Variants in MEAK7 observed in about 807,000 individuals in gnomAD.
The protein encoded by MEAK7 is MTOR associated protein MEAK7, also known as MTOR-associated protein MEAK7.
A neutral mutation model predicts 40.5 loss-of-function variants in MEAK7; 68 were observed. That is an observed-to-expected ratio of 1.68 (90% CI 1.38 to 2.06). The LOEUF (loss-of-function observed/expected upper bound fraction) is 2.06. Among genes scored for constraint, MEAK7 ranks in the 30% most tolerant of loss-of-function variants. MEAK7 has a pLI of 0.00. For missense variants in MEAK7, 918 were observed against 580.5 expected, an observed-to-expected ratio of 1.58 and a Z score of -5.98; for synonymous variants, 338 against 231.9, an observed-to-expected ratio of 1.46 and a Z score of -4.16.
intron 3 of MEAK7, among the ~76,000 whole-genome samples, chr16:84,491,058 G>T (rs72808603): frequency 6.6e-6 from 1 of 152,196 alleles, no homozygotes; most frequent in African/African-American, 2.4e-5. Context: ...CCAAAAGTTG[G>T]TTCATTGAAA....
intron 5 of MEAK7, 84 bp from the exon 6 acceptor site, chr16:84,482,794 C>T: frequency 6.4e-7 from 1 of 1,561,650 alleles, no homozygotes; most frequent in African/African-American, 1.4e-5. Context: ...AGCTGCAGCT[C>T]AGGAAGCAAC....
chr16:84,492,068 G>A (rs10871286), intron 3 of MEAK7, among the ~76,000 whole-genome samples: 1 of 151,862 alleles, frequency 6.6e-6, no homozygotes, highest in East Asian at 1.9e-4. Flanking sequence ...CTGTGTTCAC[G>A]AGACACAGGG....
chr16:84,496,008 G>A, intron 2 of MEAK7, 95 bp from the exon 3 acceptor site: 2 of 1,359,326 alleles, frequency 1.5e-6, no homozygotes, highest in Non-Finnish European at 2.0e-6. Context: ...GAGGAAAAGG[G>A]GTCCTTGGGA....
chr16:84,487,309 A>G, intron 4 of MEAK7: 1 of 465,622 alleles, frequency 2.1e-6, no homozygotes, highest in South Asian at 3.2e-5. Flanking sequence ...TGTATTTAGG[A>G]CATATTATTA....
chr16:84,485,136 G>A (rs556297073), intron 5 of MEAK7, among the ~76,000 whole-genome samples: 57 of 152,190 alleles, frequency 3.7e-4, no homozygotes, highest in Non-Finnish European at 7.8e-4. Context: ...CTGTGACATG[G>A]AGGCAGGGCA....
chr16:84,493,115 A>C (rs1185745465), intron 3 of MEAK7, among the ~76,000 whole-genome samples: 1 of 152,190 alleles, frequency 6.6e-6, no homozygotes, highest in African/African-American at 2.4e-5. Context: ...ATGTGTTCCA[A>C]AATTCTATGA....
intron 1 of MEAK7, 81 bp downstream of exon 1, chr16:84,504,520 A>T (rs746565104): frequency 3.4e-5 from 30 of 881,402 alleles, no homozygotes; most frequent in Non-Finnish European, 3.9e-5. Flanking sequence ...CCTACTCTGG[A>T]CCCGTCTGCT....
At chr16:84,491,478 G>A (rs1254105044) in intron 3 of MEAK7, among the ~76,000 whole-genome samples, 3 of 149,938 alleles carry the variant, frequency 2.0e-5, no homozygotes, top group African/African-American at 7.4e-5. Flanking sequence ...GGCAGAGGTT[G>A]TAGTGAGCTG....
intron 1 of MEAK7, chr16:84,503,889 G>A: frequency 2.1e-6 from 2 of 973,458 alleles, no homozygotes; most frequent in Non-Finnish European, 2.4e-6. Flanking sequence ...TCCCACCCTG[G>A]CTGCCAAGCT....
rs1912279207 is a variant in MEAK7, at chr16:84,479,128, C to T, written c.*785G>A. The stretch of plus-strand genomic sequence containing the variant: ...ACAAATACCTTCTGAGGACTCATGC[C>T]ACCACCAGACCATGTTACCTCAAAG... On this transcript the variant is annotated 3_prime_UTR_variant, in exon 8 of 8. Coordinates refer to ENST00000343629, the MANE Select transcript of MEAK7 (RefSeq NM_020947.4). 2.0e-5 allele frequency: 3 copies of T among 152,216 alleles called. No homozygotes were observed. The highest frequency in any genetic ancestry group is 2.0e-4 in the Admixed American group (3 of 15,280). The allele number at this position is 152,216 out of a possible 1,614,324, so 9.4% of individuals were successfully genotyped here.
intron 3 of MEAK7, among the ~76,000 whole-genome samples, chr16:84,494,354 C>T (rs1913869559): frequency 6.6e-6 from 1 of 152,164 alleles, no homozygotes; most frequent in Non-Finnish European, 1.5e-5. Flanking sequence ...TTATTTTCTA[C>T]AATTTGGACT....
chr16:84,497,785 A>G, intron 2 of MEAK7, 149 bp downstream of exon 2: 1 of 1,317,268 alleles, frequency 7.6e-7, no homozygotes, highest in South Asian at 1.3e-5. Context: ...AGCCAAAACT[A>G]GGTCACATCT....
At position 84,476,505 on chromosome 16, in the gene MEAK7, A is replaced by G. The variant is rs952269664; in HGVS notation, c.*3408T>C. The G allele has an allele frequency of 6.6e-6, 1 of 152,230 alleles. No individual in the cohort carries two copies. The highest frequency in any genetic ancestry group is 2.4e-5 in the African/African-American group (1 of 41,542). The allele number at this position is 152,230 out of a possible 1,614,324, so 9.4% of individuals were successfully genotyped here. On this transcript the variant is annotated 3_prime_UTR_variant, in exon 8 of 8. Transcript: ENST00000343629. The stretch of plus-strand genomic sequence containing the variant: ...TATACCTCTCAATCCAACAATTCCA[A>G]TTCTAAGAGTTTATCCCACAGACAC...
At chr16:84,497,805 C>A (rs1367977428) in intron 2 of MEAK7, 129 bp downstream of exon 2, 1 of 1,446,344 alleles carries the variant, frequency 6.9e-7, no homozygotes, top group East Asian at 2.3e-5. Context: ...TGGCCCTTTA[C>A]AGAAAACCAA....
At position 84,495,789 on chromosome 16, in the gene MEAK7, G is replaced by A; in HGVS notation, c.278C>T (p.Ala93Val). The change falls in exon 3 of 8, where the codon GCA becomes GTA. Residue 93 changes from alanine to valine, a missense_variant. By Grantham distance (64) the Ala-to-Val change is moderately conservative. Transcript: ENST00000343629. ...SENVSQEQFT[A>V]SMSHLLKGNS... ...TCCTTTCAACAGGTGGGACATGGAT[G>A]CTGTGAACTGCTCCTGGGACACGTT... 1 of 1,614,092 alleles carries A rather than the reference G, an allele frequency of 6.2e-7. No homozygotes were observed. Among genetic ancestry groups the A allele is most frequent in the South Asian group, 1.1e-5 (1 of 91,070 alleles).
At position 84,489,442 on chromosome 16, in the gene MEAK7, C is replaced by G. The variant is rs755637894; in HGVS notation, c.385-20G>C. On this transcript the variant is annotated intron_variant, in intron 3 of 7. Coordinates refer to ENST00000343629, the MANE Select transcript of MEAK7 (RefSeq NM_020947.4). ...TGTAAACTGTAAGATCACAATTTTA[C>G]CATTAAAAACAGTTCCACCATATCC... is the stretch of plus-strand genomic sequence containing the variant. The G allele has an allele frequency of 4.4e-6, 7 of 1,590,620 alleles. No homozygotes were observed. Among genetic ancestry groups the G allele is most frequent in the Non-Finnish European group, 5.1e-6 (6 of 1,165,672 alleles).
In MEAK7 at chr16:84,490,404, G is replaced by A. The variant is rs1156650665; in HGVS notation, c.385-982C>T. Among the ~76,000 whole-genome samples the A allele has an allele frequency of 4.0e-5, 6 of 148,236 alleles. No individual in the cohort carries two copies. In the East Asian group the frequency reaches 9.7e-4, roughly 24 times the overall value. ...CCCAAACTAAAAGACCCAGGGCAGC[G>A]GCCCACACTCTCGCTGGGCGGCTAA... On this transcript the variant is annotated intron_variant, in intron 3 of 7. Coordinates refer to ENST00000343629, the MANE Select transcript of MEAK7 (RefSeq NM_020947.4).
At chr16:84,493,078 C>T (rs1483148941) in intron 3 of MEAK7, among the ~76,000 whole-genome samples, 1 of 152,134 alleles carries the variant, frequency 6.6e-6, no homozygotes, top group Non-Finnish European at 1.5e-5. Flanking sequence ...CATCTTTGGA[C>T]CACATTTATG....
At chr16:84,493,363 G>A (rs1415548117) in intron 3 of MEAK7, among the ~76,000 whole-genome samples, 1 of 152,198 alleles carries the variant, frequency 6.6e-6, no homozygotes, top group Non-Finnish European at 1.5e-5. Flanking sequence ...TAACTTCAGA[G>A]ATTGTGCTGT....
Sources: gnomAD v4.1 joint callset for allele counts (sites outside exome capture counted in the v4.1 genomes callset) on GRCh38, gnomAD v4.1.1 for gene constraint, MANE v1.5 for transcripts, NCBI Gene and HGNC (gene_info 2026-07-23, HGNC 2026-07-21) for gene names.